KIAA1958: variants seen among roughly 807,000 people sequenced by gnomAD.
The protein encoded by KIAA1958 is uncharacterized protein KIAA1958.
Under a neutral mutation model 47.2 loss-of-function variants are expected in KIAA1958, and 14 were observed. The observed-to-expected ratio is 0.30, with a 90% CI of 0.20 to 0.46. The LOEUF (loss-of-function observed/expected upper bound fraction) is 0.46, where lower values mean the gene tolerates loss of function less well. Ranked by LOEUF, KIAA1958 falls within the 20% of genes least tolerant of loss-of-function variation. The pLI, the probability that KIAA1958 is intolerant of heterozygous loss-of-function variation, is 1.00. For missense variants in KIAA1958, 803 were observed against 909.2 expected (o/e 0.88, Z 1.50); for synonymous variants, 354 against 353.3 (o/e 1.00, Z -0.02).
intron 3 of KIAA1958, among the ~76,000 whole-genome samples, chr9:112,647,493 A>T (rs901434163): frequency 4.6e-5 from 7 of 152,324 alleles, no homozygotes; most frequent in Non-Finnish European, 1.5e-5. Flanking sequence ...ACAGCGCTGA[A>T]GGAAATAAAC....
At position 112,486,831 on chromosome 9, in the gene KIAA1958, T is replaced by C. The variant is rs1275310263; in HGVS notation, c.-312T>C. 2.9e-4 allele frequency: 10 copies of C among 34,634 alleles called. No homozygotes were observed. The highest frequency in any genetic ancestry group is 9.3e-3 in the Middle Eastern group (1 of 108). The allele number at this position is 34,634 out of a possible 1,614,324, so 2.1% of individuals were successfully genotyped here. Reference sequence around the variant, plus strand: ...CCCGGCCCGCCCGCGCCCCGCCCCCTGCCCGCCCGCCGCGCTCCGAGCCGG... The same window carrying C: ...CCCGGCCCGCCCGCGCCCCGCCCCCCGCCCGCCCGCCGCGCTCCGAGCCGG... On this transcript the variant is annotated 5_prime_UTR_variant, in exon 1 of 4. Coordinates refer to ENST00000337530, the MANE Select transcript of KIAA1958 (RefSeq NM_133465.4).
At chr9:112,537,201 G>T (rs1834869713) in intron 1 of KIAA1958, among the ~76,000 whole-genome samples, 1 of 151,936 alleles carries the variant, frequency 6.6e-6, no homozygotes, top group Non-Finnish European at 1.5e-5. Flanking sequence ...TGCCTTCCAG[G>T]TTCAAGTGAT....
chr9:112,607,885 G>A (rs886229921), intron 2 of KIAA1958, among the ~76,000 whole-genome samples: 3 of 152,272 alleles, frequency 2.0e-5, no homozygotes, highest in Non-Finnish European at 2.9e-5. Flanking sequence ...GGGCTTGGGG[G>A]AGAATGAGTA....
In KIAA1958 at chr9:112,489,889, A is replaced by C. The variant is rs542504255; in HGVS notation, c.-25+2771A>C. On this transcript the variant is annotated intron_variant, in intron 1 of 3. Coordinates refer to ENST00000337530, the MANE Select transcript of KIAA1958 (RefSeq NM_133465.4). ...AGCCTAAAATGGCCACTTTATGTTA[A>C]CTGGAATGCTCAAATGACTAGTGTT... Among the ~76,000 whole-genome samples, 6 of 152,340 alleles carry C rather than the reference A, an allele frequency of 3.9e-5. No individual in the cohort carries two copies. The South Asian group carries it at 1.2e-3, about 32-fold the overall frequency.
chr9:112,504,144 A>C (rs1371876192), intron 1 of KIAA1958, among the ~76,000 whole-genome samples: 1 of 151,270 alleles, frequency 6.6e-6, no homozygotes, highest in African/African-American at 2.4e-5. Flanking sequence ...TTAATTATGT[A>C]TTAATCTTTC....
At chr9:112,623,282 T>C (rs1233250927) in intron 2 of KIAA1958, among the ~76,000 whole-genome samples, 3 of 152,236 alleles carry the variant, frequency 2.0e-5, no homozygotes, top group Admixed American at 6.5e-5. Flanking sequence ...GTTGTTTCAC[T>C]TAATTCTCAC....
intron 2 of KIAA1958, among the ~76,000 whole-genome samples, chr9:112,630,067 G>A (rs1836682078): frequency 6.6e-6 from 1 of 151,864 alleles, no homozygotes; most frequent in South Asian, 2.1e-4. Context: ...CCCATGTGCA[G>A]TGTTTCTCAC....
chr9:112,655,683 G>A (rs150974542), intron 3 of KIAA1958, among the ~76,000 whole-genome samples: 1 of 152,280 alleles, frequency 6.6e-6, no homozygotes, highest in Admixed American at 6.5e-5. Context: ...TGGAGAGAGG[G>A]GCTTAAAAAG....
chr9:112,534,769 C>T (rs1441490712), intron 1 of KIAA1958, among the ~76,000 whole-genome samples: 1 of 152,134 alleles, frequency 6.6e-6, no homozygotes, highest in Non-Finnish European at 1.5e-5. Context: ...GTCTCAAACT[C>T]CTGACCTCAG....
rs191336498 is a variant in KIAA1958, at chr9:112,575,293, G to A, written c.1171+42G>A. 207 of 1,370,576 alleles carry A rather than the reference G, an allele frequency of 1.5e-4. 1 individual carries two copies. In the African/African-American group the frequency reaches 2.5e-3, roughly 16 times the overall value. 84.9% of individuals were successfully genotyped at this position (1,370,576 alleles called of 1,614,324 possible). On this transcript the variant is annotated intron_variant, in intron 2 of 3. Coordinates refer to ENST00000337530, the MANE Select transcript of KIAA1958 (RefSeq NM_133465.4). ...GACAGTGAGTCCCTCATCCACGCAC[G>A]CCAGAATTCTGCGCCGTCAGCACTT...
At chr9:112,591,751 T>C (rs962075750) in intron 2 of KIAA1958, among the ~76,000 whole-genome samples, 2 of 152,162 alleles carry the variant, frequency 1.3e-5, no homozygotes, top group East Asian at 3.9e-4. Context: ...AAATTTACAA[T>C]GTGTGGTAGT....
intron 1 of KIAA1958, among the ~76,000 whole-genome samples, chr9:112,490,414 G>C (rs1158539025): frequency 6.6e-6 from 1 of 152,114 alleles, no homozygotes; most frequent in African/African-American, 2.4e-5. Context: ...TCTTGACTTT[G>C]CTTCTGATTA....
At chr9:112,529,310 G>C (rs549094085) in intron 1 of KIAA1958, among the ~76,000 whole-genome samples, 3 of 152,258 alleles carry the variant, frequency 2.0e-5, no homozygotes, top group Non-Finnish European at 4.4e-5. Context: ...CATTTGTGTG[G>C]TACATCTGTT....
intron 2 of KIAA1958, among the ~76,000 whole-genome samples, chr9:112,613,879 T>TTTCA (rs1437515542): frequency 3.9e-5 from 6 of 152,184 alleles, no homozygotes; most frequent in Non-Finnish European, 5.9e-5. Context: ...GAATGCATGA[T>TTTCA]TTCCTGTGAC....
At chr9:112,626,409 C>T (rs1318363367) in intron 2 of KIAA1958, among the ~76,000 whole-genome samples, 2 of 152,022 alleles carry the variant, frequency 1.3e-5, no homozygotes, top group Non-Finnish European at 2.9e-5. Flanking sequence ...TTATGTTAGA[C>T]TTCTAATGTT....
At chr9:112,640,128 C>G (rs1241877458) in intron 2 of KIAA1958, among the ~76,000 whole-genome samples, 2 of 152,202 alleles carry the variant, frequency 1.3e-5, no homozygotes, top group Non-Finnish European at 2.9e-5. Context: ...ATGCTGACCA[C>G]TGTGTATGAA....
Position 112,551,290 on chromosome 9 carries a change from C to T in KIAA1958, c.-24-22767C>T, listed in dbSNP as rs190580747. Among the ~76,000 whole-genome samples the T allele has an allele frequency of 8.8e-3, 1,342 of 152,238 alleles. 14 individuals are homozygous for T. Among genetic ancestry groups the T allele is most frequent in the Non-Finnish European group, 0.013 (891 of 68,020 alleles). ...CTCCCCATTCCCTGATCCACCAGCT[C>T]CAGGTAACCACTGTTGTACTTCCTG... On this transcript the variant is annotated intron_variant, in intron 1 of 3. Coordinates refer to ENST00000337530, the MANE Select transcript of KIAA1958 (RefSeq NM_133465.4).
In KIAA1958 at chr9:112,578,703, C is replaced by A. The variant is rs1291250694; in HGVS notation, c.1171+3452C>A. 2.0e-5 allele frequency among the ~76,000 whole-genome samples: 3 copies of A among 152,086 alleles called. No individual in the cohort carries two copies. In the East Asian group the frequency reaches 5.8e-4, roughly 29 times the overall value. On this transcript the variant is annotated intron_variant, in intron 2 of 3. Coordinates refer to ENST00000337530, the MANE Select transcript of KIAA1958 (RefSeq NM_133465.4). ...TAATTTTCATGTCAATCCTGCCATACTGCTCAATCCAAATCTTAGCAAACA... is the reference window on the plus strand; with the variant it reads ...TAATTTTCATGTCAATCCTGCCATAATGCTCAATCCAAATCTTAGCAAACA...
chr9:112,641,677 A>G (rs1482354863), intron 2 of KIAA1958, among the ~76,000 whole-genome samples: 1 of 151,950 alleles, frequency 6.6e-6, no homozygotes, highest in African/African-American at 2.4e-5. Flanking sequence ...TGTCTTTCAT[A>G]TCTCTTAACT....
Sources: allele counts gnomAD v4.1 joint callset (sites outside exome capture counted in the v4.1 genomes callset), GRCh38; gene constraint gnomAD v4.1.1; transcripts MANE v1.5; gene names NCBI Gene and HGNC (gene_info 2026-07-23, HGNC 2026-07-21).